The following PCDHGA1 variants were observed in gnomAD, a reference collection of about 807,000 sequenced individuals.
The protein encoded by PCDHGA1 is protocadherin gamma-A1.
PCDHGA1 carries 32 observed loss-of-function variants against 58.0 expected under a neutral mutation model. The ratio of observed to expected loss-of-function variants is 0.55; its 90% CI spans 0.42 to 0.74. PCDHGA1 has a LOEUF of 0.74. Ranked by LOEUF, PCDHGA1 falls within the 30% of genes least tolerant of loss-of-function variation. The pLI is 0.00. For missense variants in PCDHGA1, 1,205 were observed against 1,182.3 expected (o/e 1.02, Z -0.28); for synonymous variants, 498 against 501.1 (o/e 0.99, Z 0.08).
chr5:141,439,568 A>G (rs2098121048), intron 1 of PCDHGA1, among the ~76,000 whole-genome samples: 1 of 152,208 alleles, frequency 6.6e-6, no homozygotes, highest in Non-Finnish European at 1.5e-5. Context: ...GTTCTAGAGT[A>G]GGGACTCAGA....
intron 1 of PCDHGA1, among the ~76,000 whole-genome samples, chr5:141,451,364 C>T (rs970149151): frequency 3.9e-5 from 6 of 152,078 alleles, no homozygotes; most frequent in Middle Eastern, 3.2e-3. Context: ...AGGATGGATC[C>T]GCTTCTAATC....
At chr5:141,371,218 C>T (rs1454546023) in intron 1 of PCDHGA1, 1 of 1,613,992 alleles carries the variant, frequency 6.2e-7, no homozygotes, top group South Asian at 1.1e-5. Context: ...GGCATCAATG[C>T]CGAAATCATC....
intron 1 of PCDHGA1, 62 bp from the exon 2 acceptor site, chr5:141,494,745 G>T: frequency 1.2e-6 from 2 of 1,612,802 alleles, no homozygotes; most frequent in African/African-American, 1.3e-5. Context: ...ATCCCTAGGG[G>T]CTCGGGTGAC....
At chr5:141,481,811 G>A (rs1050821120) in intron 1 of PCDHGA1, among the ~76,000 whole-genome samples, 1 of 151,892 alleles carries the variant, frequency 6.6e-6, no homozygotes. Context: ...AATTCACCAG[G>A]CGTGGTGGCT....
At chr5:141,428,010 G>A in intron 1 of PCDHGA1, 1 of 1,603,006 alleles carries the variant, frequency 6.2e-7, no homozygotes, top group Non-Finnish European at 8.5e-7. Flanking sequence ...CTTCGATATA[G>A]TGCCACGCGC....
chr5:141,423,238 G>C (rs765040062), intron 1 of PCDHGA1: 4 of 1,613,778 alleles, frequency 2.5e-6, no homozygotes, highest in South Asian at 2.2e-5. Context: ...CAGCATCCCC[G>C]AAGTCCTGGC....
chr5:141,484,591 T>C (rs2099597977), intron 1 of PCDHGA1, among the ~76,000 whole-genome samples: 1 of 152,020 alleles, frequency 6.6e-6, no homozygotes, highest in African/African-American at 2.4e-5. Flanking sequence ...AAGCTACTCA[T>C]TTAGAATACT....
intron 1 of PCDHGA1, chr5:141,384,511 G>A (rs1780163912): frequency 6.2e-7 from 1 of 1,614,188 alleles, no homozygotes; most frequent in Non-Finnish European, 8.5e-7. Flanking sequence ...ACATGACAGC[G>A]GGGACCCGCC....
chr5:141,432,139 TATCCCAGAGAACA>T lies in PCDHGA1; in HGVS notation c.2422-62658_2422-62646del, dbSNP rs745506362. On this transcript the variant is annotated intron_variant, in intron 1 of 3. Transcript: ENST00000517417. The surrounding 1 kb of genome is among the most constrained non-coding windows in gnomAD (Gnocchi z 6.0). ...TCCCTCAGGCCTCCTATTCCGCTTA[TATCCCAGAGAACA>T]ATCCCAGAGGAGTTTCCCTCGTCTC... 1.1e-5 allele frequency: 17 copies of T among 1,613,976 alleles called. No individual in the cohort carries two copies. The highest frequency in any genetic ancestry group is 1.3e-5 in the African/African-American group (1 of 74,892).
intron 1 of PCDHGA1, chr5:141,339,661 G>T (rs1407266940): frequency 6.2e-7 from 1 of 1,614,074 alleles, no homozygotes; most frequent in Non-Finnish European, 8.5e-7. Flanking sequence ...GCATCTGCGT[G>T]AAGGTCCTGG....
intron 1 of PCDHGA1, chr5:141,370,741 T>C (rs746594689): frequency 6.2e-7 from 1 of 1,613,900 alleles, no homozygotes; most frequent in Non-Finnish European, 8.5e-7. Flanking sequence ...CCTTTAAACT[T>C]TTTTCATGTA....
rs772446057 is a variant in PCDHGA1, at chr5:141,340,605, A to T, written c.2421+7500A>T. 6 of 1,614,188 alleles carry T rather than the reference A, an allele frequency of 3.7e-6. No homozygotes were observed. The Middle Eastern group carries it at 6.6e-4, about 178-fold the overall frequency. On this transcript the variant is annotated intron_variant, in intron 1 of 3. Transcript: ENST00000517417. ...AGCGGGAACCCTCCACTCAGTAGCA[A>T]TGTATCATTAAGCCTGTTCGTGCTG...
At chr5:141,427,509 G>T in intron 1 of PCDHGA1, 1 of 588,640 alleles carries the variant, frequency 1.7e-6, no homozygotes, top group Non-Finnish European at 3.2e-6. Flanking sequence ...TGGGACCCTG[G>T]ATTGGGAGCG....
Position 141,432,909 on chromosome 5 carries a change from G to A in PCDHGA1, c.2422-61898G>A, listed in dbSNP as rs773372764. On this transcript the variant is annotated intron_variant, in intron 1 of 3. Coordinates refer to ENST00000517417, the MANE Select transcript of PCDHGA1 (RefSeq NM_018912.3). The surrounding 1 kb of genome is among the most constrained non-coding windows in gnomAD (Gnocchi z 6.0). ...ATCTTGCTGCTGGCGCTCAGGCTGCGGCGCTGGCACAAGTCACGCCTGCTG... is the reference window on the plus strand; with the variant it reads ...ATCTTGCTGCTGGCGCTCAGGCTGCAGCGCTGGCACAAGTCACGCCTGCTG... 9 of 1,614,038 alleles carry A rather than the reference G, an allele frequency of 5.6e-6. No homozygotes were observed. The highest frequency in any genetic ancestry group is 4.5e-5 in the East Asian group (2 of 44,880).
chr5:141,351,265 C>A, intron 1 of PCDHGA1: 1 of 1,613,896 alleles, frequency 6.2e-7, no homozygotes, highest in Non-Finnish European at 8.5e-7. Context: ...AAATTGTTGA[C>A]GAGAATGACA....
intron 1 of PCDHGA1, chr5:141,371,868 G>A (rs755178809): frequency 2.5e-6 from 4 of 1,613,510 alleles, no homozygotes; most frequent in Non-Finnish European, 3.4e-6. Context: ...CTACTACATC[G>A]TGGCCAGTGA....
intron 1 of PCDHGA1, among the ~76,000 whole-genome samples, chr5:141,348,961 C>G (rs371733898): frequency 1.3e-5 from 2 of 152,230 alleles, no homozygotes; most frequent in East Asian, 3.9e-4. Flanking sequence ...AGAATAAGTT[C>G]CAAAATTGGG....
intron 1 of PCDHGA1, among the ~76,000 whole-genome samples, chr5:141,447,221 C>A (rs1034853072): frequency 6.6e-6 from 1 of 152,026 alleles, no homozygotes; most frequent in Non-Finnish European, 1.5e-5. Context: ...CTCACTGCAA[C>A]CTCCGCCTCC....
At chr5:141,367,247 T>C (rs1765012558) in intron 1 of PCDHGA1, 1 of 153,262 alleles carries the variant, frequency 6.5e-6, no homozygotes, top group South Asian at 2.0e-4. Context: ...GTCATAAATA[T>C]CAGAAAAGAG....
Sources: allele counts gnomAD v4.1 joint callset (sites outside exome capture counted in the v4.1 genomes callset), GRCh38; gene constraint gnomAD v4.1.1; non-coding constraint Gnocchi (gnomAD v3.1); transcripts MANE v1.5; gene names NCBI Gene and HGNC (gene_info 2026-07-23, HGNC 2026-07-21).